Variants in LHFPL3 observed in about 807,000 individuals in gnomAD.
LHFPL3 encodes LHFPL tetraspan subfamily member 3.
A neutral mutation model predicts 19.3 loss-of-function variants in LHFPL3; 5 were observed. The observed-to-expected ratio is 0.26, with a 90% CI of 0.14 to 0.54. The LOEUF (loss-of-function observed/expected upper bound fraction) is 0.54, where lower values mean the gene tolerates loss of function less well. Ranked by LOEUF, LHFPL3 falls within the 20% of genes least tolerant of loss-of-function variation. The pLI, the probability that LHFPL3 is intolerant of heterozygous loss-of-function variation, is 0.94. For missense variants in LHFPL3, 249 were observed against 307.4 expected, an observed-to-expected ratio of 0.81 and a Z score of 1.42; for synonymous variants, 133 against 126.2, an observed-to-expected ratio of 1.05 and a Z score of -0.36.
chr7:104,905,333 A>G (rs1445320586), intron 2 of LHFPL3, among the ~76,000 whole-genome samples: 1 of 152,162 alleles, frequency 6.6e-6, no homozygotes, highest in African/African-American at 2.4e-5. Flanking sequence ...AAACCTTCCT[A>G]TATGTCTGAC....
intron 2 of LHFPL3, among the ~76,000 whole-genome samples, chr7:104,858,591 C>G (rs1463694401): frequency 6.6e-6 from 1 of 152,182 alleles, no homozygotes; most frequent in Non-Finnish European, 1.5e-5. Flanking sequence ...AGCACACCTC[C>G]ACCCTCACTG....
At chr7:104,451,687 TTTG>T (rs1792442263) in intron 1 of LHFPL3, among the ~76,000 whole-genome samples, 1 of 152,306 alleles carries the variant, frequency 6.6e-6, no homozygotes, top group South Asian at 2.1e-4. Flanking sequence ...TTTAAATATT[TTTG>T]TTGTTTTGGT....
intron 1 of LHFPL3, among the ~76,000 whole-genome samples, chr7:104,477,161 T>G (rs1292802187): frequency 6.6e-6 from 1 of 152,084 alleles, no homozygotes; most frequent in Non-Finnish European, 1.5e-5. Context: ...AGCTATATTT[T>G]TAATTTTTTT....
intron 1 of LHFPL3, among the ~76,000 whole-genome samples, chr7:104,406,002 A>G (rs369613245): frequency 2.6e-5 from 4 of 152,248 alleles, no homozygotes; most frequent in East Asian, 1.9e-4. Flanking sequence ...AATCAAATGT[A>G]GAATAACTCC....
At chr7:104,597,839 C>A (rs6948066) in intron 1 of LHFPL3, among the ~76,000 whole-genome samples, 1 of 151,924 alleles carries the variant, frequency 6.6e-6, no homozygotes, top group Non-Finnish European at 1.5e-5. Flanking sequence ...AATTTTTACC[C>A]CAATATAAAC....
chr7:104,562,106 G>T (rs967744311), intron 1 of LHFPL3, among the ~76,000 whole-genome samples: 2 of 151,706 alleles, frequency 1.3e-5, no homozygotes, highest in African/African-American at 2.4e-5. Flanking sequence ...CTCTCTGGCT[G>T]CCCTTAACAT....
chr7:104,411,818 A>G (rs750963980), intron 1 of LHFPL3, among the ~76,000 whole-genome samples: 9 of 152,204 alleles, frequency 5.9e-5, no homozygotes, highest in Non-Finnish European at 1.3e-4. Flanking sequence ...AAAAATAAAA[A>G]TGTTTCTTTA....
At chr7:104,794,688 C>A (rs1163129465) in intron 2 of LHFPL3, among the ~76,000 whole-genome samples, 1 of 152,186 alleles carries the variant, frequency 6.6e-6, no homozygotes, top group Non-Finnish European at 1.5e-5. Context: ...CCTTTCTTTT[C>A]TTGTTTAATA....
At chr7:104,882,486 G>A (rs1792075867) in intron 2 of LHFPL3, among the ~76,000 whole-genome samples, 2 of 152,170 alleles carry the variant, frequency 1.3e-5, no homozygotes, top group Admixed American at 1.3e-4. Flanking sequence ...GACCTCAGAT[G>A]ATCTGCCCAC....
rs551658503 is a variant in LHFPL3, at chr7:104,906,807, T to C, written c.*592T>C. 2 of 152,928 alleles carry C rather than the reference T, an allele frequency of 1.3e-5. No homozygotes were observed. The highest frequency in any genetic ancestry group is 6.5e-5 in the Admixed American group (1 of 15,318). The allele number at this position is 152,928 out of a possible 1,614,324, so 9.5% of individuals were successfully genotyped here. A position where few individuals can be genotyped will look rare whatever the true frequency, so the allele number is the denominator to read the frequency against. Reference sequence around the variant, plus strand: ...TGTGTAATTAGTTACAACCACTCAGTTATTAAGAGACGTAACGCTTCAAAC... The same window carrying C: ...TGTGTAATTAGTTACAACCACTCAGCTATTAAGAGACGTAACGCTTCAAAC... On this transcript the variant is annotated 3_prime_UTR_variant, in exon 3 of 3. Coordinates refer to ENST00000424859, the MANE Select transcript of LHFPL3 (RefSeq NM_199000.3).
At chr7:104,592,650 A>C (rs2115645963) in intron 1 of LHFPL3, among the ~76,000 whole-genome samples, 1 of 152,292 alleles carries the variant, frequency 6.6e-6, no homozygotes, top group African/African-American at 2.4e-5. Context: ...GGGACGTTTA[A>C]GTCTGCAGAA....
At chr7:104,376,745 C>G (rs990912887) in intron 1 of LHFPL3, among the ~76,000 whole-genome samples, 2 of 152,140 alleles carry the variant, frequency 1.3e-5, no homozygotes, top group African/African-American at 2.4e-5. Flanking sequence ...TGGGAGCAAG[C>G]CTTGGCGACA....
intron 2 of LHFPL3, among the ~76,000 whole-genome samples, chr7:104,829,480 ATC>A: frequency 6.6e-6 from 1 of 150,904 alleles, no homozygotes; most frequent in East Asian, 2.0e-4. Flanking sequence ...TCCCTCCCCC[ATC>A]CCCCTACCCC....
intron 1 of LHFPL3, among the ~76,000 whole-genome samples, chr7:104,566,630 C>G (rs1790130952): frequency 6.6e-6 from 1 of 152,184 alleles, no homozygotes; most frequent in Non-Finnish European, 1.5e-5. Context: ...CTCTTTCCCA[C>G]TAGTCAGTTG....
intron 2 of LHFPL3, among the ~76,000 whole-genome samples, chr7:104,852,215 G>C (rs1317262738): frequency 2.6e-5 from 4 of 152,096 alleles, no homozygotes; most frequent in Non-Finnish European, 5.9e-5. Context: ...ATAATTAAAA[G>C]GCAGATCTCC....
intron 1 of LHFPL3, among the ~76,000 whole-genome samples, chr7:104,475,383 A>T (rs28608703): frequency 0.26 from 39,574 of 152,008 alleles, 5,421 homozygotes; most frequent in South Asian, 0.44. Context: ...TTACTGGAAC[A>T]TTCTGATTCT....
intron 1 of LHFPL3, among the ~76,000 whole-genome samples, chr7:104,365,787 C>CAAAAAAA (rs571171040): frequency 0.01 from 504 of 49,918 alleles, 23 homozygotes; most frequent in African/African-American, 0.04. Flanking sequence ...GACTCCGTCT[C>CAAAAAAA]AAAAAAAAAA....
Position 104,562,141 on chromosome 7 carries a change from G to A in LHFPL3, c.446-174534G>A, listed in dbSNP as rs978236008. 9.2e-5 allele frequency among the ~76,000 whole-genome samples: 14 copies of A among 151,822 alleles called. 1 individual carries two copies. Among genetic ancestry groups the A allele is most frequent in the African/African-American group, 3.4e-4 (14 of 41,344 alleles). ...TTTTTTCCTTCATTTCAACTTTGGTGAATCTGACAATTATGTGTCTTGGAG... is the reference window on the plus strand; with the variant it reads ...TTTTTTCCTTCATTTCAACTTTGGTAAATCTGACAATTATGTGTCTTGGAG... On this transcript the variant is annotated intron_variant, in intron 1 of 2. Transcript: ENST00000424859.
intron 2 of LHFPL3, among the ~76,000 whole-genome samples, chr7:104,891,855 C>T (rs914892323): frequency 6.6e-6 from 1 of 152,184 alleles, no homozygotes; most frequent in East Asian, 1.9e-4. Context: ...GACAGGCTGA[C>T]AGAAATGTCT....
Sources: allele counts gnomAD v4.1 joint callset (sites outside exome capture counted in the v4.1 genomes callset), GRCh38; gene constraint gnomAD v4.1.1; transcripts MANE v1.5; gene names NCBI Gene and HGNC (gene_info 2026-07-23, HGNC 2026-07-21).